Variants in NEDD9 observed in about 807,000 individuals in gnomAD.
The protein encoded by NEDD9 is enhancer of filamentation 1.
In NEDD9, 26 loss-of-function variants were observed where a neutral mutation model predicts 76.6. The ratio of observed to expected loss-of-function variants is 0.34; its 90% CI spans 0.25 to 0.47. NEDD9 has a LOEUF of 0.47. Ranked by LOEUF, NEDD9 falls within the 20% of genes least tolerant of loss-of-function variation. NEDD9 has a pLI of 1.00. For missense variants in NEDD9, 937 were observed against 1,058.5 expected, an observed-to-expected ratio of 0.89 and a Z score of 1.59; for synonymous variants, 392 against 414.2, an observed-to-expected ratio of 0.95 and a Z score of 0.65.
chr6:11,322,409 G>C (rs1040986306), intron 2 of NEDD9, among the ~76,000 whole-genome samples: 4 of 152,174 alleles, frequency 2.6e-5, no homozygotes, highest in African/African-American at 9.7e-5. Flanking sequence ...TGAGGACTGA[G>C]CTGGGGGAAC....
chr6:11,290,555 G>A (rs1760741478), intron 3 of NEDD9, among the ~76,000 whole-genome samples: 1 of 152,176 alleles, frequency 6.6e-6, no homozygotes, highest in South Asian at 2.1e-4. Context: ...AAGAGGCATT[G>A]CCCTGGAACT....
At chr6:11,255,372 T>C (rs1432873902) in intron 3 of NEDD9, among the ~76,000 whole-genome samples, 1 of 152,228 alleles carries the variant, frequency 6.6e-6, no homozygotes, top group Non-Finnish European at 1.5e-5. Context: ...AACTGCAATT[T>C]TGTAAAGAAC....
chr6:11,240,432 C>T (rs139532905), intron 3 of NEDD9, among the ~76,000 whole-genome samples: 7 of 152,206 alleles, frequency 4.6e-5, no homozygotes, highest in East Asian at 3.8e-4. Flanking sequence ...AAGGGTGAAG[C>T]GCTAAAATGG....
chr6:11,215,930 G>T (rs1036533971), intron 1 of NEDD9, among the ~76,000 whole-genome samples: 1 of 152,228 alleles, frequency 6.6e-6, no homozygotes, highest in African/African-American at 2.4e-5. Context: ...ATGAGGCACT[G>T]AAGTGGAGCA....
At chr6:11,225,722 G>C (rs2094175) in intron 1 of NEDD9, among the ~76,000 whole-genome samples, 128,433 of 151,408 alleles carry the variant, frequency 0.85, 54,699 homozygotes, top group African/African-American at 0.94. Flanking sequence ...ATGATGGTCT[G>C]GATCTCCTGA....
intron 3 of NEDD9, among the ~76,000 whole-genome samples, chr6:11,267,375 AT>A (rs1279547338): frequency 2.7e-5 from 4 of 146,856 alleles, no homozygotes; most frequent in African/African-American, 1.0e-4. Flanking sequence ...ATAAGGTCAG[AT>A]GTCTTTGAAA....
At chr6:11,303,464 G>A (rs1308292898) in intron 3 of NEDD9, among the ~76,000 whole-genome samples, 3 of 152,174 alleles carry the variant, frequency 2.0e-5, no homozygotes, top group African/African-American at 7.2e-5. Flanking sequence ...TAGATTCAGT[G>A]TCATCGCCAT....
At chr6:11,279,788 C>T (rs1297860461) in intron 3 of NEDD9, among the ~76,000 whole-genome samples, 1 of 152,146 alleles carries the variant, frequency 6.6e-6, no homozygotes, top group Non-Finnish European at 1.5e-5. Flanking sequence ...CATCTCCTCC[C>T]GCTCCCCGCA....
intron 3 of NEDD9, among the ~76,000 whole-genome samples, chr6:11,286,416 T>G (rs2113367472): frequency 6.6e-6 from 1 of 152,352 alleles, no homozygotes; most frequent in Middle Eastern, 3.4e-3. Context: ...TTAGGCAGTT[T>G]CTTAGGAAGT....
chr6:11,322,260 G>A (rs575727723), intron 2 of NEDD9, among the ~76,000 whole-genome samples: 29 of 152,204 alleles, frequency 1.9e-4, no homozygotes, highest in African/African-American at 6.3e-4. Flanking sequence ...GGGTTGATAG[G>A]TGCAGCAAAC....
chr6:11,215,032 C>T (rs569979155), intron 1 of NEDD9, among the ~76,000 whole-genome samples: 8 of 152,290 alleles, frequency 5.3e-5, no homozygotes, highest in Non-Finnish European at 8.8e-5. Flanking sequence ...TTCTTTGCAG[C>T]TGACTTGCAC....
At chr6:11,351,475 C>T (rs1762468517) in intron 1 of NEDD9, among the ~76,000 whole-genome samples, 1 of 152,212 alleles carries the variant, frequency 6.6e-6, no homozygotes, top group Non-Finnish European at 1.5e-5. Context: ...CTCACCTTCC[C>T]TTGTTCTACC....
At chr6:11,232,692 AGGCT>A, upstream of NEDD9, 1 of 1,459,224 alleles carries the variant, frequency 6.9e-7, no homozygotes, top group Non-Finnish European at 9.0e-7. Flanking sequence ...TGACTGAGGC[AGGCT>A]GATCGCGGAC....
chr6:11,330,923 C>T (rs73362900), intron 2 of NEDD9, among the ~76,000 whole-genome samples: 1,833 of 152,216 alleles, frequency 0.012, 37 homozygotes, highest in African/African-American at 0.04. Context: ...CTGTTTTCTC[C>T]GTAATCCGTT....
intron 1 of NEDD9, among the ~76,000 whole-genome samples, chr6:11,350,927 T>C (rs1762456677): frequency 1.3e-5 from 2 of 152,190 alleles, no homozygotes; most frequent in Non-Finnish European, 2.9e-5. Context: ...TCCTTGTCTT[T>C]CTTGACATAT....
intron 2 of NEDD9, among the ~76,000 whole-genome samples, chr6:11,332,502 C>A (rs973729701): frequency 6.6e-6 from 1 of 152,242 alleles, no homozygotes; most frequent in East Asian, 1.9e-4. Flanking sequence ...GCTCCAAGTT[C>A]TCTTGTAACA....
intron 3 of NEDD9, among the ~76,000 whole-genome samples, chr6:11,280,766 G>C (rs1223720907): frequency 6.6e-6 from 1 of 152,250 alleles, no homozygotes; most frequent in East Asian, 1.9e-4. Flanking sequence ...GGCATGGTGA[G>C]GGAGGTTTCC....
intron 2 of NEDD9, among the ~76,000 whole-genome samples, chr6:11,313,526 G>A (rs367646605): frequency 7.4e-6 from 1 of 135,530 alleles, no homozygotes; most frequent in Non-Finnish European, 1.6e-5. Context: ...ATGGGTGGAT[G>A]GATAGGTGAA....
intron 2 of NEDD9, among the ~76,000 whole-genome samples, chr6:11,331,123 A>G (rs1762028298): frequency 6.6e-6 from 1 of 152,218 alleles, no homozygotes; most frequent in Admixed American, 6.5e-5. Context: ...AATGTTCTGC[A>G]GGGCTCAAAT....
Sources: allele counts gnomAD v4.1 joint callset (sites outside exome capture counted in the v4.1 genomes callset), GRCh38; gene constraint gnomAD v4.1.1; transcripts MANE v1.5; gene names NCBI Gene and HGNC (gene_info 2026-07-23, HGNC 2026-07-21).